The following ARHGAP24 variants were observed in gnomAD, a reference collection of about 807,000 sequenced individuals.
ARHGAP24 encodes the protein rho GTPase-activating protein 24.
A neutral mutation model predicts 76.4 loss-of-function variants in ARHGAP24; 50 were observed. The observed-to-expected ratio is 0.65, with a 90% CI of 0.52 to 0.83. The LOEUF is 0.83. Ranked by LOEUF, ARHGAP24 falls within the 40% of genes least tolerant of loss-of-function variation. The pLI is 0.00. For synonymous variants in ARHGAP24, 345 were observed against 323.3 expected, an observed-to-expected ratio of 1.07 and a Z score of -0.72; for missense variants, 930 against 914.2, an observed-to-expected ratio of 1.02 and a Z score of -0.22.
At chr4:85,926,924 A>G (rs1400340788) in intron 4 of ARHGAP24, among the ~76,000 whole-genome samples, 3 of 152,224 alleles carry the variant, frequency 2.0e-5, no homozygotes, top group Non-Finnish European at 2.9e-5. Flanking sequence ...AGAACCCACA[A>G]TTATAAGTCC....
intron 5 of ARHGAP24, among the ~76,000 whole-genome samples, chr4:85,959,331 C>G (rs917809602): frequency 6.6e-6 from 1 of 152,152 alleles, no homozygotes; most frequent in Non-Finnish European, 1.5e-5. Context: ...GGCCTCTTTA[C>G]TACAACCTGT....
intron 2 of ARHGAP24, among the ~76,000 whole-genome samples, chr4:85,636,555 T>TACAC (rs34719562): frequency 6.6e-6 from 1 of 150,964 alleles, no homozygotes; most frequent in Admixed American, 6.6e-5. Flanking sequence ...TTGGGAATAT[T>TACAC]ACACACACAC....
At chr4:85,554,736 T>A (rs1726281636) in intron 1 of ARHGAP24, among the ~76,000 whole-genome samples, 2 of 152,096 alleles carry the variant, frequency 1.3e-5, no homozygotes, top group South Asian at 4.2e-4. Flanking sequence ...AGTGGTGCTA[T>A]CTTGGCCCAC....
Position 85,570,644 on chromosome 4 carries a change from A to C in ARHGAP24, c.103A>C (p.Thr35Pro). ...GAGGAAGCAAGGAGGCTTTGTCAAG[A>C]CTTGGCATACTCGCTGGTTTGTGCT... ...WLRKQGGFVK[T>P]WHTRWFVLKG... The change falls in exon 2 of 10, where the codon ACT becomes CCT. Residue 35 changes from threonine to proline, a missense_variant. Thr to Pro is a conservative substitution (Grantham distance 38). Coordinates refer to ENST00000395184, the MANE Select transcript of ARHGAP24 (RefSeq NM_001025616.3). 1.9e-6 allele frequency: 3 copies of C among 1,613,996 alleles called. No individual in the cohort carries two copies. Among genetic ancestry groups the C allele is most frequent in the East Asian group, 2.2e-5 (1 of 44,880 alleles).
Position 85,492,613 on chromosome 4 carries a change from T to C in ARHGAP24, c.-21+17054T>C, listed in dbSNP as rs553412775. On this transcript the variant is annotated intron_variant, in intron 1 of 9. Transcript: ENST00000395184. ...GGATAACATGGCTGAAAACATTTCA[T>C]GTTACAAATGATACTTATTGCTACT... 2.6e-5 allele frequency among the ~76,000 whole-genome samples: 4 copies of C among 152,344 alleles called. No individual in the cohort carries two copies. The East Asian group carries it at 7.7e-4, about 29-fold the overall frequency.
At chr4:85,615,674 G>A (rs193089473) in intron 2 of ARHGAP24, among the ~76,000 whole-genome samples, 47 of 152,240 alleles carry the variant, frequency 3.1e-4, no homozygotes, top group African/African-American at 1.1e-3. Flanking sequence ...TAATTATGTT[G>A]TAATCATGAA....
intron 2 of ARHGAP24, among the ~76,000 whole-genome samples, chr4:85,584,449 G>C (rs1727757726): frequency 6.7e-6 from 1 of 148,996 alleles, no homozygotes; most frequent in Admixed American, 6.7e-5. Flanking sequence ...TGTGGGGTTG[G>C]GGGAGGGGGG....
intron 2 of ARHGAP24, among the ~76,000 whole-genome samples, chr4:85,589,839 A>G (rs909195408): frequency 5.3e-5 from 8 of 152,204 alleles, no homozygotes; most frequent in African/African-American, 1.9e-4. Context: ...TAAAAATAAA[A>G]TATGGATTTT....
At chr4:85,802,326 C>G (rs1560640738) in intron 3 of ARHGAP24, among the ~76,000 whole-genome samples, 1 of 152,192 alleles carries the variant, frequency 6.6e-6, no homozygotes, top group Non-Finnish European at 1.5e-5. Flanking sequence ...TCCATATTCA[C>G]TGCCTACTTC....
At chr4:85,813,174 C>G (rs1302790806) in intron 3 of ARHGAP24, among the ~76,000 whole-genome samples, 1 of 152,150 alleles carries the variant, frequency 6.6e-6, no homozygotes, top group Non-Finnish European at 1.5e-5. Context: ...TAGTCTTATT[C>G]TTTATGAAAA....
chr4:85,542,491 C>T (rs978108156), intron 1 of ARHGAP24, among the ~76,000 whole-genome samples: 3 of 152,070 alleles, frequency 2.0e-5, no homozygotes, highest in African/African-American at 2.4e-5. Context: ...ACTCTGTTGG[C>T]GGTAGGAAAT....
intron 9 of ARHGAP24, 37 bp from the exon 10 acceptor site, chr4:86,000,442 C>CGGGGGGGGGGGGGGGGGGGGGGGGGG: frequency 8.7e-6 from 7 of 807,892 alleles, no homozygotes; most frequent in Non-Finnish European, 9.7e-6. Context: ...CTTACTCTTG[C>CGGGGGGGGGGGGGGGGGGGGGGGGGG]GTCCCCACCC....
At chr4:85,857,904 C>G (rs2110172132) in intron 3 of ARHGAP24, among the ~76,000 whole-genome samples, 1 of 152,264 alleles carries the variant, frequency 6.6e-6, no homozygotes, top group South Asian at 2.1e-4. Context: ...CTCTGAAGCT[C>G]TGAAGGTTTC....
At chr4:85,536,563 A>G (rs1725479343) in intron 1 of ARHGAP24, among the ~76,000 whole-genome samples, 2 of 152,136 alleles carry the variant, frequency 1.3e-5, no homozygotes, top group Admixed American at 1.3e-4. Context: ...ATTTTAATAA[A>G]TGGCTGTTGG....
At chr4:85,601,060 ATT>A (rs1720011363) in intron 2 of ARHGAP24, among the ~76,000 whole-genome samples, 2 of 152,084 alleles carry the variant, frequency 1.3e-5, no homozygotes, top group Admixed American at 6.6e-5. Context: ...CTTGTTACAT[ATT>A]TTTACTTTAT....
intron 9 of ARHGAP24, 46 bp downstream of exon 9, chr4:85,995,703 C>T: frequency 2.6e-6 from 4 of 1,560,050 alleles, no homozygotes; most frequent in Non-Finnish European, 1.8e-6. Context: ...GGCTCAGTAG[C>T]CTCCTACTGT....
intron 1 of ARHGAP24, among the ~76,000 whole-genome samples, chr4:85,516,784 C>CT (rs1478627216): frequency 6.6e-6 from 1 of 151,932 alleles, no homozygotes; most frequent in Non-Finnish European, 1.5e-5. Context: ...TGCCTCCCTG[C>CT]CCCCAACTTT....
chr4:85,933,593 C>T (rs1448866462), intron 4 of ARHGAP24, among the ~76,000 whole-genome samples: 5 of 152,124 alleles, frequency 3.3e-5, no homozygotes, highest in East Asian at 1.9e-4. Context: ...GCAGGAAGCT[C>T]GGGATTGTGG....
intron 2 of ARHGAP24, among the ~76,000 whole-genome samples, chr4:85,675,400 T>G (rs1391609694): frequency 9.9e-5 from 15 of 152,242 alleles, no homozygotes; most frequent in African/African-American, 3.1e-4. Context: ...TCTGCAGCTG[T>G]GGGAAGTGGC....
Sources: gnomAD v4.1 joint callset for allele counts (sites outside exome capture counted in the v4.1 genomes callset) on GRCh38, gnomAD v4.1.1 for gene constraint, MANE v1.5 for transcripts, NCBI Gene and HGNC (gene_info 2026-07-23, HGNC 2026-07-21) for gene names.